Variants in CA9 observed in about 807,000 individuals in gnomAD.
CA9 encodes the protein CA-IX.
Under a neutral mutation model 51.8 loss-of-function variants are expected in CA9, and 43 were observed. The observed-to-expected ratio is 0.83, with a 90% CI of 0.65 to 1.07. The LOEUF is 1.07. CA9 is among the 50% of genes least tolerant of loss of function. The pLI is 0.00. For missense variants in CA9, 574 were observed against 581.4 expected, an observed-to-expected ratio of 0.99 and a Z score of 0.13; for synonymous variants, 253 against 244.2, an observed-to-expected ratio of 1.04 and a Z score of -0.34.
chr9:35,675,840 C>T lies in CA9; in HGVS notation c.513C>T (p.Ala171=), dbSNP rs776635903. ...CGGTGGATATCCGCCCCCAGCTCGC[C>T]GCCTTCTGCCCGGCCCTGCGCCCCC... ...QSPVDIRPQL[A]AFCPALRPLE... The change falls in exon 3 of 11, where the codon GCC becomes GCT. Residue 171 remains alanine, a synonymous_variant. Transcript: ENST00000378357. 75 of 1,604,268 alleles carry T rather than the reference C, an allele frequency of 4.7e-5. 1 individual carries two copies. The highest frequency in any genetic ancestry group is 5.2e-5 in the Non-Finnish European group (61 of 1,179,456).
At chr9:35,676,238 G>A (rs1247948405) in intron 4 of CA9, 32 bp downstream of exon 4, 16 of 1,612,490 alleles carry the variant, frequency 9.9e-6, no homozygotes, top group East Asian at 2.2e-5. Flanking sequence ...AAGGGGCAAA[G>A]GAGCGGGGCG....
intron 7 of CA9, 123 bp downstream of exon 7, chr9:35,679,465 C>T (rs1005717142): frequency 1.4e-5 from 17 of 1,230,814 alleles, no homozygotes; most frequent in African/African-American, 3.0e-5. Context: ...AATCCCACCA[C>T]GTTGGGAGGC....
At chr9:35,680,560 C>A in intron 9 of CA9, 193 bp from the exon 10 acceptor site, 1 of 604,550 alleles carries the variant, frequency 1.7e-6, no homozygotes, top group Non-Finnish European at 2.9e-6. Flanking sequence ...TTTTAGGAAG[C>A]AAAAACGGTG....
In CA9 at chr9:35,674,098, T is replaced by TC; in HGVS notation, c.144dup (p.Gly51ArgfsTer8). The TC allele has an allele frequency of 6.2e-7, 1 of 1,613,998 alleles. No homozygotes were observed. The highest frequency in any genetic ancestry group is 8.5e-7 in the Non-Finnish European group (1 of 1,179,960). On this transcript the variant is annotated frameshift_variant, in exon 1 of 11. Transcript: ENST00000378357. LOFTEE classifies it high-confidence loss of function. ...GAGGTTGCCCCGGATGCAGGAGGAT[T>TC]CCCCCTTGGGAGGAGGCTCTTCTGG...
chr9:35,678,342 G>A (rs1824463774), intron 6 of CA9, among the ~76,000 whole-genome samples: 1 of 111,174 alleles, frequency 9.0e-6, no homozygotes, highest in Admixed American at 1.1e-4. Context: ...CGAGACTCTT[G>A]TCTCAAAAAA....
Position 35,680,975 on chromosome 9 carries a change from A to C in CA9, c.1330A>C (p.Lys444Gln), listed in dbSNP as rs756964667. 5.0e-6 allele frequency: 8 copies of C among 1,614,084 alleles called. No individual in the cohort carries two copies. In the Admixed American group the frequency reaches 1.3e-4, roughly 27 times the overall value. Residue 444 changes from lysine (K) to glutamine (Q), a missense_variant, in exon 11 of 11, where the codon AAA becomes CAA. Transcript: ENST00000378357. ...GTTGTGTACACACAGAAGGGGAACC[A>C]AAGGGGGTGTGAGCTACCGCCCAGC... Reference protein sequence around the residue: ...QMRRQHRRGTKGGVSYRPAEV... With the variant: ...QMRRQHRRGTQGGVSYRPAEV...
chr9:35,680,748 C>T lies in CA9; in HGVS notation c.1238-5C>T, dbSNP rs190302524. 16 of 1,613,724 alleles carry T rather than the reference C, an allele frequency of 9.9e-6. No homozygotes were observed. The highest frequency in any genetic ancestry group is 6.6e-5 in the South Asian group (6 of 91,078). On this transcript the variant is annotated splice_polypyrimidine_tract_variant and splice_region_variant and intron_variant, in intron 9 of 10. Coordinates refer to ENST00000378357, the MANE Select transcript of CA9 (RefSeq NM_001216.3). ...CAAAGCAGCCCTCTCTGCTCTCCAT[C>T]GCAGGTGACATCCTAGCCCTGGTTT...
At position 35,675,835 on chromosome 9, in the gene CA9, C is replaced by T. The variant is rs754585567; in HGVS notation, c.508C>T (p.Leu170Phe). Residue 170 changes from leucine to phenylalanine, a missense_variant, in exon 3 of 11, where the codon CTC becomes TTC. Coordinates refer to ENST00000378357, the MANE Select transcript of CA9 (RefSeq NM_001216.3). ...FQSPVDIRPQ[L>F]AAFCPALRPL... ...GTCCCCGGTGGATATCCGCCCCCAG[C>T]TCGCCGCCTTCTGCCCGGCCCTGCG... 3.1e-6 allele frequency: 5 copies of T among 1,604,136 alleles called. No homozygotes were observed. The African/African-American group carries it at 6.7e-5, about 21-fold the overall frequency.
In CA9 at chr9:35,673,970, T is replaced by C. The variant is rs1177505640; in HGVS notation, c.11T>C (p.Leu4Pro). Residue 4 changes from leucine to proline, a missense_variant, in exon 1 of 11, where the codon CTG becomes CCG. Transcript: ENST00000378357. Reference sequence around the variant, plus strand: ...CCCACAGTCAGCCGCATGGCTCCCCTGTGCCCCAGCCCCTGGCTCCCTCTG... The same window carrying C: ...CCCACAGTCAGCCGCATGGCTCCCCCGTGCCCCAGCCCCTGGCTCCCTCTG... Reference protein sequence around the residue: MAPLCPSPWLPLLI... With the variant: MAPPCPSPWLPLLI... The C allele has an allele frequency of 6.2e-7, 1 of 1,602,330 alleles. No homozygotes were observed. The highest frequency in any genetic ancestry group is 1.3e-5 in the African/African-American group (1 of 74,962).
chr9:35,675,932 G>A lies in CA9; in HGVS notation c.604+1G>A. 6.2e-7 allele frequency: 1 copy of A among 1,601,392 alleles called. No homozygotes were observed. Among genetic ancestry groups the A allele is most frequent in the Non-Finnish European group, 8.5e-7 (1 of 1,173,796 alleles). ...CGCCTGCGCAACAATGGCCACAGTG[G>A]TGAGGGGGTCTCCCCGCCGAGACTT... On this transcript the variant is annotated splice_donor_variant, in intron 3 of 10. Transcript: ENST00000378357. LOFTEE classifies it high-confidence loss of function.
In CA9 at chr9:35,675,883, C is replaced by A. The variant is rs1217539091; in HGVS notation, c.556C>A (p.Gln186Lys). 1.2e-6 allele frequency: 2 copies of A among 1,606,170 alleles called. No homozygotes were observed. The highest frequency in any genetic ancestry group is 1.7e-6 in the Non-Finnish European group (2 of 1,178,542). Reference sequence around the variant, plus strand: ...GCGCCCCCTGGAACTCCTGGGCTTCCAGCTCCCGCCGCTCCCAGAACTGCG... The same window carrying A: ...GCGCCCCCTGGAACTCCTGGGCTTCAAGCTCCCGCCGCTCCCAGAACTGCG... ...ALRPLELLGF[Q>K]LPPLPELRLR... Residue 186 changes from glutamine (Q) to lysine (K), a missense_variant, in exon 3 of 11, where the codon CAG becomes AAG. Gln to Lys is a moderately conservative substitution (Grantham distance 53, BLOSUM62 1). Transcript: ENST00000378357.
chr9:35,676,104 T>G lies in CA9; in HGVS notation c.645T>G (p.Gly215=). The change falls in exon 4 of 11, where the codon GGT becomes GGG. Residue 215 remains glycine, a synonymous_variant. Transcript: ENST00000378357. ...CTCCTGGGCTAGAGATGGCTCTGGG[T>G]CCCGGGCGGGAGTACCGGGCTCTGC... The part of the protein sequence containing the change: ...TLPPGLEMAL[G]PGREYRALQL... The G allele has an allele frequency of 6.2e-7, 1 of 1,613,650 alleles. No homozygotes were observed. The highest frequency in any genetic ancestry group is 8.5e-7 in the Non-Finnish European group (1 of 1,179,876).
intron 2 of CA9, 69 bp from the exon 3 acceptor site, chr9:35,675,692 T>A: frequency 6.7e-6 from 6 of 898,352 alleles, no homozygotes; most frequent in East Asian, 3.9e-5. Flanking sequence ...CCCCCTCACC[T>A]TTTCTACCCG....
intron 7 of CA9, 71 bp from the exon 8 acceptor site, chr9:35,679,783 G>A: frequency 2.0e-6 from 3 of 1,478,616 alleles, no homozygotes; most frequent in Non-Finnish European, 2.7e-6. Flanking sequence ...GGTGCTGGTT[G>A]TGAGCTGGCC....
At chr9:35,678,164 GT>G (rs1824459879) in intron 6 of CA9, among the ~76,000 whole-genome samples, 1 of 151,948 alleles carries the variant, frequency 6.6e-6, no homozygotes, top group Non-Finnish European at 1.5e-5. Flanking sequence ...GGCCAACATG[GT>G]GAAACCCCAT....
At chr9:35,675,186 G>T (rs553914281) in intron 1 of CA9, 23 of 266,786 alleles carry the variant, frequency 8.6e-5, no homozygotes, top group Non-Finnish European at 1.3e-4. Flanking sequence ...TAGAGACGGG[G>T]TTTCGCCATG....
At position 35,674,292 on chromosome 9, in the gene CA9, G is replaced by A; in HGVS notation, c.333G>A (p.Glu111=). 1 of 1,614,198 alleles carries A rather than the reference G, an allele frequency of 6.2e-7. No individual in the cohort carries two copies. Among genetic ancestry groups the A allele is most frequent in the East Asian group, 2.2e-5 (1 of 44,884 alleles). The part of the protein sequence containing the change: ...KSEEEGSLKL[E]DLPTVEAPGD... ...AAGAAGAGGGCTCCCTGAAGTTAGA[G>A]GATCTACCTACTGTTGAGGCTCCTG... is the stretch of plus-strand genomic sequence containing the variant. Residue 111 remains glutamate, a synonymous_variant, in exon 1 of 11, where the codon GAG becomes GAA. Transcript: ENST00000378357.
chr9:35,679,705 T>C (rs1460812446), intron 7 of CA9, 149 bp from the exon 8 acceptor site: 2 of 747,948 alleles, frequency 2.7e-6, no homozygotes, highest in African/African-American at 1.8e-5. Flanking sequence ...TTAGGATACA[T>C]TTATTTATTT....
At position 35,676,453 on chromosome 9, in the gene CA9, C is replaced by G. The variant is rs1031201217; in HGVS notation, c.840+64C>G. The G allele has an allele frequency of 3.0e-6, 4 of 1,349,186 alleles. No individual in the cohort carries two copies. The African/African-American group carries it at 5.7e-5, about 19-fold the overall frequency. 83.6% of individuals were successfully genotyped at this position (1,349,186 alleles called of 1,614,324 possible). ...ATCCCATGCTCCTCCCGGACTCTAT[C>G]GTGGAGCCAGAGACCCCATCCCAGC... is the stretch of plus-strand genomic sequence containing the variant. On this transcript the variant is annotated intron_variant, in intron 5 of 10. Transcript: ENST00000378357.
Sources: allele counts gnomAD v4.1 joint callset (sites outside exome capture counted in the v4.1 genomes callset), GRCh38; gene constraint gnomAD v4.1.1; transcripts MANE v1.5; gene names NCBI Gene and HGNC (gene_info 2026-07-23, HGNC 2026-07-21).